The following PIWIL1 variants were observed in gnomAD, a reference collection of about 807,000 sequenced individuals.
The protein encoded by PIWIL1 is piwi like RNA-mediated gene silencing 1, also known as piwi-like protein 1.
In PIWIL1, 73 loss-of-function variants were observed where a neutral mutation model predicts 114.4. That is an observed-to-expected ratio of 0.64 (90% confidence interval 0.53 to 0.78). The LOEUF is 0.78. PIWIL1 is among the 30% of genes least tolerant of loss of function. The probability of loss-of-function intolerance (pLI) is 0.00; values close to 1 mark genes in which losing one functional copy is unlikely to be tolerated. For synonymous variants in PIWIL1, 375 were observed against 369.0 expected, an observed-to-expected ratio of 1.02 and a Z score of -0.19; for missense variants, 723 against 1,063.1, an observed-to-expected ratio of 0.68 and a Z score of 4.45.
In PIWIL1 at chr12:130,345,895, T is replaced by A; in HGVS notation, c.316+17T>A. The A allele has an allele frequency of 6.2e-7, 1 of 1,612,346 alleles. No homozygotes were observed. ...CAAAAACAGGTAGGTTAATTAAGAA[T>A]AAGTTTTGTGAGATTACATCTCAGG... On this transcript the variant is annotated intron_variant, in intron 4 of 20. Coordinates refer to ENST00000245255, the MANE Select transcript of PIWIL1 (RefSeq NM_004764.5).
chr12:130,348,353 T>G (rs1168927057), intron 7 of PIWIL1, among the ~76,000 whole-genome samples, 170 bp downstream of exon 7: 1 of 152,224 alleles, frequency 6.6e-6, no homozygotes, highest in Non-Finnish European at 1.5e-5. Context: ...TATTTGGATT[T>G]TTAAAAAATC....
intron 1 of PIWIL1, chr12:130,342,295 TAA>T: frequency 2.5e-6 from 1 of 406,344 alleles, no homozygotes; most frequent in Non-Finnish European, 4.5e-6. Context: ...TTTCTCCTCC[TAA>T]GTCTGTTTAT....
chr12:130,354,757 C>G, intron 10 of PIWIL1, 94 bp downstream of exon 10: 3 of 1,480,920 alleles, frequency 2.0e-6, no homozygotes, highest in South Asian at 1.3e-5. Flanking sequence ...CCCCTTCCCT[C>G]CCCCCAGAAA....
chr12:130,344,804 C>T (rs555262421), intron 3 of PIWIL1, among the ~76,000 whole-genome samples: 1 of 152,190 alleles, frequency 6.6e-6, no homozygotes, highest in East Asian at 1.9e-4. Flanking sequence ...CAGCTATTGG[C>T]TCTCTTATGG....
chr12:130,354,391 C>T (rs775843436), intron 9 of PIWIL1, 146 bp from the exon 10 acceptor site: 66 of 1,013,268 alleles, frequency 6.5e-5, no homozygotes, highest in Non-Finnish European at 9.2e-5. Context: ...AAAAAAATGC[C>T]TTTTTAAAAC....
chr12:130,365,653 T>C (rs774061583), intron 18 of PIWIL1, among the ~76,000 whole-genome samples: 4 of 152,202 alleles, frequency 2.6e-5, no homozygotes, highest in Non-Finnish European at 5.9e-5. Flanking sequence ...TGCCAGCATA[T>C]TTGTGACCTG....
rs1296787894 is a variant in PIWIL1, at chr12:130,367,179, T to C, written c.2242T>C (p.Phe748Leu). The C allele has an allele frequency of 2.5e-6, 4 of 1,613,858 alleles. No homozygotes were observed. Among genetic ancestry groups the C allele is most frequent in the Non-Finnish European group, 3.4e-6 (4 of 1,179,900 alleles). Residue 748 changes from phenylalanine (F) to leucine (L), a missense_variant, in exon 19 of 21, where the codon TTT becomes CTT. Transcript: ENST00000245255. ...GGTGAAGAAAAGAGTGAACACCAGA[T>C]TTTTTGCTCAGTCTGGAGGAAGACT... ...IVVKKRVNTR[F>L]FAQSGGRLQN... is the part of the protein sequence containing the mutation.
At chr12:130,413,153 G>T in the PIWIL1 span, among the ~76,000 whole-genome samples, 1 of 152,166 alleles carries the variant, frequency 6.6e-6, no homozygotes, top group Admixed American at 6.5e-5. Flanking sequence ...TGGTGTTTCT[G>T]TCTGCCTGAA....
At position 130,356,267 on chromosome 12, in the gene PIWIL1, T is replaced by C. The variant is rs2073362273; in HGVS notation, c.1404+600T>C. On this transcript the variant is annotated intron_variant, in intron 12 of 20. Coordinates refer to ENST00000245255, the MANE Select transcript of PIWIL1 (RefSeq NM_004764.5). ...TATTTTTAGTGTAATTAAAGCACTG[T>C]AAAGTGCCAACATTTTCATTTTTTT... is the stretch of plus-strand genomic sequence containing the variant. Among the ~76,000 whole-genome samples, 3 of 152,150 alleles carry C rather than the reference T, an allele frequency of 2.0e-5. No homozygotes were observed. In the South Asian group the frequency reaches 6.2e-4, roughly 32 times the overall value.
the PIWIL1 span, among the ~76,000 whole-genome samples, chr12:130,391,717 GC>G: frequency 6.6e-6 from 1 of 152,188 alleles, no homozygotes; most frequent in Non-Finnish European, 1.5e-5. Context: ...GGCCAAGCCA[GC>G]AGAGAGGGTC....
At chr12:130,340,660 TTGG>T (rs1181115618) in intron 1 of PIWIL1, among the ~76,000 whole-genome samples, 35 of 94,066 alleles carry the variant, frequency 3.7e-4, no homozygotes, top group African/African-American at 1.0e-3. Flanking sequence ...GGGAGGGGGG[TTGG>T]TGGTGGTGGT....
At chr12:130,344,945 G>A (rs963004759) in intron 3 of PIWIL1, among the ~76,000 whole-genome samples, 2 of 152,096 alleles carry the variant, frequency 1.3e-5, no homozygotes, top group African/African-American at 4.8e-5. Flanking sequence ...AAGAATGAGG[G>A]GTTAGTTATT....
the PIWIL1 span, among the ~76,000 whole-genome samples, chr12:130,402,585 C>T: frequency 6.6e-6 from 1 of 152,194 alleles, no homozygotes; most frequent in African/African-American, 2.4e-5. Context: ...CCTTTCCCTC[C>T]TCAGTCCCTC....
At chr12:130,395,665 G>A in the PIWIL1 span, among the ~76,000 whole-genome samples, 1 of 152,152 alleles carries the variant, frequency 6.6e-6, no homozygotes, top group Non-Finnish European at 1.5e-5. Context: ...ATGAAATTAT[G>A]TACTTGAACT....
chr12:130,348,377 G>C (rs11836499), intron 7 of PIWIL1, among the ~76,000 whole-genome samples, 194 bp downstream of exon 7: 1 of 152,006 alleles, frequency 6.6e-6, no homozygotes, highest in Non-Finnish European at 1.5e-5. Flanking sequence ...TAATTTACCT[G>C]TCACTAGGGA....
At chr12:130,360,105 A>C (rs1187011605) in intron 14 of PIWIL1, among the ~76,000 whole-genome samples, 1 of 152,222 alleles carries the variant, frequency 6.6e-6, no homozygotes, top group Non-Finnish European at 1.5e-5. Context: ...TGGCAAAGAC[A>C]GATTTAGTGA....
At chr12:130,422,110 C>T in the PIWIL1 span, among the ~76,000 whole-genome samples, 3 of 152,204 alleles carry the variant, frequency 2.0e-5, no homozygotes, top group East Asian at 5.8e-4. The surrounding 1 kb of genome is among the most constrained non-coding windows in gnomAD (Gnocchi z 5.2). Context: ...CATCCAGCTT[C>T]TGCACCTGCC....
At chr12:130,393,097 CGT>C in the PIWIL1 span, among the ~76,000 whole-genome samples, 1 of 115,858 alleles carries the variant, frequency 8.6e-6, no homozygotes, top group African/African-American at 3.4e-5. Flanking sequence ...ACCGTCATCA[CGT>C]GTGTCCGTCA....
At chr12:130,421,689 A>ATGTGTGTGTGTGTGTGTGTGTG in the PIWIL1 span, among the ~76,000 whole-genome samples, 14 of 106,954 alleles carry the variant, frequency 1.3e-4, no homozygotes, top group African/African-American at 1.6e-4. Flanking sequence ...CCCTGCATTT[A>ATGTGTGTGTGTGTGTGTGTGTG]TATGTGTGTG....
Sources: gnomAD v4.1 joint callset for allele counts (sites outside exome capture counted in the v4.1 genomes callset) on GRCh38, gnomAD v4.1.1 for gene constraint, Gnocchi (gnomAD v3.1) non-coding constraint, MANE v1.5 for transcripts, NCBI Gene and HGNC (gene_info 2026-07-23, HGNC 2026-07-21) for gene names.